The following UBE4A variants were observed in gnomAD, a reference collection of about 807,000 sequenced individuals.
UBE4A encodes the protein ubiquitination factor E4A.
A neutral mutation model predicts 117.9 loss-of-function variants in UBE4A; 48 were observed. The observed-to-expected ratio is 0.41, with a 90% confidence interval of 0.32 to 0.52. UBE4A has a LOEUF of 0.52. Ranked by LOEUF, UBE4A falls within the 20% of genes least tolerant of loss-of-function variation. The pLI, the probability that UBE4A is intolerant of heterozygous loss-of-function variation, is 0.33. For synonymous variants in UBE4A, 407 were observed against 450.0 expected (o/e 0.90, Z 1.21); for missense variants, 1,067 against 1,296.3 (o/e 0.82, Z 2.72).
intron 10 of UBE4A, chr11:118,378,696 A>G (rs1377043438): frequency 8.5e-5 from 13 of 152,260 alleles, no homozygotes; most frequent in Admixed American, 6.5e-4. Context: ...AAGACAGTAG[A>G]TAAAAGTTCA....
chr11:118,367,062 G>T (rs1372426025), intron 2 of UBE4A, among the ~76,000 whole-genome samples: 1 of 152,060 alleles, frequency 6.6e-6, no homozygotes, highest in Non-Finnish European at 1.5e-5. Flanking sequence ...AAATTAGCCG[G>T]GCGTGGTGGT....
chr11:118,386,683 C>A lies in UBE4A; in HGVS notation c.2587+71C>A. 2.8e-6 allele frequency: 4 copies of A among 1,433,996 alleles called. No homozygotes were observed. The East Asian group carries it at 1.1e-4, about 38-fold the overall frequency. The allele number at this position is 1,433,996 out of a possible 1,614,324, so 88.8% of individuals were successfully genotyped here. On this transcript the variant is annotated intron_variant, in intron 16 of 19. Transcript: ENST00000252108. Reference sequence around the variant, plus strand: ...GATCAGCTTCACTTGGGGGATCAGCCCAGCTGAAACTAAGAATTCAGACCC... The same window carrying A: ...GATCAGCTTCACTTGGGGGATCAGCACAGCTGAAACTAAGAATTCAGACCC...
intron 8 of UBE4A, among the ~76,000 whole-genome samples, chr11:118,374,622 G>A (rs1226926679): frequency 6.6e-6 from 1 of 152,198 alleles, no homozygotes; most frequent in Admixed American, 6.5e-5. Context: ...GGCAAGTAAT[G>A]CCAGAAATCC....
At chr11:118,367,518 CTTT>C (rs36110679) in intron 2 of UBE4A, among the ~76,000 whole-genome samples, 10 of 123,288 alleles carry the variant, frequency 8.1e-5, no homozygotes, top group African/African-American at 9.6e-5. Context: ...TAAATGTTAA[CTTT>C]TTTTTTTTTT....
chr11:118,372,725 C>T (rs1175925865), intron 6 of UBE4A, 59 bp downstream of exon 6: 1 of 1,602,730 alleles, frequency 6.2e-7, no homozygotes. Flanking sequence ...TTTAAAATTT[C>T]ACTAATTGCA....
At chr11:118,376,325 G>T (rs1318715459) in intron 9 of UBE4A, among the ~76,000 whole-genome samples, 3 of 152,100 alleles carry the variant, frequency 2.0e-5, no homozygotes, top group Non-Finnish European at 4.4e-5. Flanking sequence ...AAATACAAAT[G>T]ATCTATTGCC....
Position 118,396,596 on chromosome 11 carries a change from T to G in UBE4A, c.*156T>G. On this transcript the variant is annotated 3_prime_UTR_variant, in exon 20 of 20. Transcript: ENST00000252108. ...ATTAGAGAACTGCTCTTGCTGAAAT[T>G]ATGATAGTTAAGATTCCTAAGAACT... 4 of 881,066 alleles carry G rather than the reference T, an allele frequency of 4.5e-6. No individual in the cohort carries two copies. In the South Asian group the frequency reaches 7.9e-5, roughly 17 times the overall value. The allele number at this position is 881,066 out of a possible 1,614,324, so 54.6% of individuals were successfully genotyped here. A position where few individuals can be genotyped will look rare whatever the true frequency, so the allele number is the denominator to read the frequency against.
At chr11:118,390,836 C>G in intron 18 of UBE4A, 32 bp downstream of exon 18, 1 of 1,603,574 alleles carries the variant, frequency 6.2e-7, no homozygotes, top group Non-Finnish European at 8.5e-7. Context: ...TTGCTGATTT[C>G]ATTAAGAACC....
chr11:118,392,666 G>A, intron 18 of UBE4A, 72 bp from the exon 19 acceptor site: 3 of 1,458,578 alleles, frequency 2.1e-6, no homozygotes, highest in Non-Finnish European at 2.8e-6. Context: ...ATGGAGTCTT[G>A]CTCTGTCATT....
chr11:118,365,142 C>T lies in UBE4A; in HGVS notation c.62C>T (p.Ser21Phe). 6.2e-7 allele frequency: 1 copy of T among 1,613,874 alleles called. No homozygotes were observed. The highest frequency in any genetic ancestry group is 8.5e-7 in the Non-Finnish European group (1 of 1,179,928). The change falls in exon 2 of 20, where the codon TCC becomes TTC. Residue 21 changes from serine to phenylalanine, a missense_variant. Ser to Phe is a radical substitution (Grantham distance 155). This residue lies in a region of UBE4A where 1,001 missense variants were observed against 1,184.0 expected (regional missense o/e 0.85). Coordinates refer to ENST00000252108, the MANE Select transcript of UBE4A (RefSeq NM_001204077.2). Reference sequence around the variant, plus strand: ...AACCCCTTTGCTGCTCTTTTTGGCTCCCTGGCTGATGCCAAACAGTTTGCG... The same window carrying T: ...AACCCCTTTGCTGCTCTTTTTGGCTTCCTGGCTGATGCCAAACAGTTTGCG... ...SSNPFAALFG[S>F]LADAKQFAAI...
chr11:118,386,841 G>A (rs782819495), intron 16 of UBE4A, among the ~76,000 whole-genome samples: 2 of 152,126 alleles, frequency 1.3e-5, no homozygotes, highest in Non-Finnish European at 2.9e-5. Context: ...AGCATAAGGT[G>A]GTAAAATCTT....
chr11:118,360,370 C>A (rs1001214261), intron 1 of UBE4A, among the ~76,000 whole-genome samples: 1 of 152,128 alleles, frequency 6.6e-6, no homozygotes, highest in Non-Finnish European at 1.5e-5. Flanking sequence ...AAAATGGGAT[C>A]CAAGAAGGAC....
chr11:118,392,965 A>G, intron 19 of UBE4A, 70 bp downstream of exon 19: 2 of 1,499,974 alleles, frequency 1.3e-6, no homozygotes, highest in South Asian at 1.3e-5. Context: ...TCTCCCAGGC[A>G]CCTAAGACAG....
Position 118,396,566 on chromosome 11 carries a change from A to G in UBE4A, c.*126A>G, listed in dbSNP as rs1334828301. 6 of 637,646 alleles carry G rather than the reference A, an allele frequency of 9.4e-6. No homozygotes were observed. The East Asian group carries it at 1.4e-4, about 15-fold the overall frequency. The allele number at this position is 637,646 out of a possible 1,614,324, so 39.5% of individuals were successfully genotyped here. ...CTTTTTCTTTTTTTTTTTTTTTTTTACTAAATTAGAGAACTGCTCTTGCTG... is the reference window on the plus strand; with the variant it reads ...CTTTTTCTTTTTTTTTTTTTTTTTTGCTAAATTAGAGAACTGCTCTTGCTG... On this transcript the variant is annotated 3_prime_UTR_variant, in exon 20 of 20. Coordinates refer to ENST00000252108, the MANE Select transcript of UBE4A (RefSeq NM_001204077.2).
chr11:118,389,573 A>C, intron 16 of UBE4A, 152 bp from the exon 17 acceptor site: 1 of 754,496 alleles, frequency 1.3e-6, no homozygotes, highest in Non-Finnish European at 1.9e-6. Flanking sequence ...CTGCAGTGAA[A>C]ATGAATTACT....
In UBE4A at chr11:118,384,707, G is replaced by A. The variant is rs782320307; in HGVS notation, c.2270G>A (p.Gly757Glu). The A allele has an allele frequency of 3.1e-6, 5 of 1,613,878 alleles. No homozygotes were observed. The Admixed American group carries it at 5.0e-5, about 16-fold the overall frequency. ...TATCCTATCCTAAGATACATGTGGG[G>A]GACAGATACCTATCGGGAGAGCATT... ...PMYPILRYMW[G>E]TDTYRESIKD... is the part of the protein sequence containing the mutation. The change falls in exon 14 of 20, where the codon GGG becomes GAG. Residue 757 changes from glycine (G) to glutamate (E), a missense_variant. Around this residue, in one of 3 missense-constraint regions of UBE4A, gnomAD observed 1,001 missense variants for 1,184.0 expected, o/e 0.85. Coordinates refer to ENST00000252108, the MANE Select transcript of UBE4A (RefSeq NM_001204077.2).
chr11:118,368,763 A>G lies in UBE4A; in HGVS notation c.254A>G (p.Asn85Ser), dbSNP rs1296380298. The change falls in exon 3 of 20, where the codon AAT becomes AGT. Residue 85 changes from asparagine to serine, a missense_variant. Transcript: ENST00000252108. ...QQEICEQLNI[N>S]HMIQRIFLIT... Reference sequence around the variant, plus strand: ...GAAATATGTGAGCAACTCAACATCAATCACATGATCCAAAGGATCTTCCTT... The same window carrying G: ...GAAATATGTGAGCAACTCAACATCAGTCACATGATCCAAAGGATCTTCCTT... 2 of 1,614,088 alleles carry G rather than the reference A, an allele frequency of 1.2e-6. No individual in the cohort carries two copies. The highest frequency in any genetic ancestry group is 4.5e-5 in the East Asian group (2 of 44,902).
At chr11:118,371,477 G>A in intron 4 of UBE4A, 37 bp from the exon 5 acceptor site, 2 of 1,571,974 alleles carry the variant, frequency 1.3e-6, no homozygotes, top group Non-Finnish European at 1.7e-6. Context: ...GATTAATTTT[G>A]CAATAGTTTA....
intron 19 of UBE4A, among the ~76,000 whole-genome samples, chr11:118,395,049 C>G (rs1948857082): frequency 6.6e-6 from 1 of 152,042 alleles, no homozygotes; most frequent in Non-Finnish European, 1.5e-5. Flanking sequence ...AATTTTTGGC[C>G]AGGTGCAGTG....
Sources: allele counts gnomAD v4.1 joint callset (sites outside exome capture counted in the v4.1 genomes callset), GRCh38; gene constraint gnomAD v4.1.1; regional missense constraint gnomAD v4.1.1; transcripts MANE v1.5; gene names NCBI Gene and HGNC (gene_info 2026-07-23, HGNC 2026-07-21).